The following WNK2 variants were observed in gnomAD, a reference collection of about 807,000 sequenced individuals.
The protein encoded by WNK2 is WNK lysine deficient protein kinase 2.
WNK2 carries 67 observed loss-of-function variants against 192.1 expected under a neutral mutation model. The observed-to-expected ratio is 0.35, with a 90% confidence interval of 0.29 to 0.43. The LOEUF (loss-of-function observed/expected upper bound fraction) is 0.43, where lower values mean the gene tolerates loss of function less well. Among genes scored for constraint, WNK2 ranks in the 20% least tolerant of loss-of-function variants. The probability of loss-of-function intolerance (pLI) is 1.00; values close to 1 mark genes in which losing one functional copy is unlikely to be tolerated. For missense variants in WNK2, 2,698 were observed against 3,089.7 expected, an observed-to-expected ratio of 0.87 and a Z score of 3.01; for synonymous variants, 1,439 against 1,393.9, an observed-to-expected ratio of 1.03 and a Z score of -0.72.
chr9:93,263,932 G>A lies in WNK2; in HGVS notation c.3595G>A (p.Asp1199Asn), dbSNP rs760068117. The A allele has an allele frequency of 6.2e-7, 1 of 1,613,066 alleles. No homozygotes were observed. The highest frequency in any genetic ancestry group is 1.1e-5 in the South Asian group (1 of 91,034). Residue 1199 changes from aspartate to asparagine, a missense_variant, in exon 16 of 30, where the codon GAC becomes AAC. Transcript: ENST00000427277. ...LTILNVCNTGDKMVECQLETH... is the reference protein window; with the variant it reads ...LTILNVCNTGNKMVECQLETH... The stretch of plus-strand genomic sequence containing the variant: ...CCCCTTCCAGGTGTGCAACACTGGG[G>A]ACAAGATGGTGGAGTGCCAGCTGGA...
intron 7 of WNK2, among the ~76,000 whole-genome samples, chr9:93,246,049 C>A (rs539664649): frequency 6.6e-6 from 1 of 152,180 alleles, no homozygotes; most frequent in Non-Finnish European, 1.5e-5. Flanking sequence ...ACCTACCTGC[C>A]GCCCCCCACC....
chr9:93,214,961 C>A (rs1415216333), intron 2 of WNK2, among the ~76,000 whole-genome samples: 1 of 151,748 alleles, frequency 6.6e-6, no homozygotes, highest in African/African-American at 2.4e-5. Context: ...TAGCTCACTA[C>A]AGCCTAGGAC....
At chr9:93,227,862 T>G (rs371505800) in intron 2 of WNK2, among the ~76,000 whole-genome samples, 1 of 152,218 alleles carries the variant, frequency 6.6e-6, no homozygotes, top group East Asian at 1.9e-4. Flanking sequence ...AAACATTAAC[T>G]TTTTTGTACT....
At chr9:93,288,171 T>G (rs1165387056) in intron 19 of WNK2, among the ~76,000 whole-genome samples, 7 of 152,174 alleles carry the variant, frequency 4.6e-5, no homozygotes, top group African/African-American at 1.7e-4. Context: ...GGAGGCTCCA[T>G]GAGCTCCTGC....
chr9:93,201,033 A>ATT (rs1485669002), intron 2 of WNK2, among the ~76,000 whole-genome samples: 1 of 152,168 alleles, frequency 6.6e-6, no homozygotes, highest in Non-Finnish European at 1.5e-5. Flanking sequence ...ACTGGGATGG[A>ATT]TTTTTAGGGA....
At chr9:93,315,465 G>A (rs1854466988) in intron 28 of WNK2, 1 of 152,186 alleles carries the variant, frequency 6.6e-6, no homozygotes. Flanking sequence ...CTTAAAACAA[G>A]TCAACCATTT....
intron 12 of WNK2, 42 bp from the exon 13 acceptor site, chr9:93,261,772 C>T (rs769521152): frequency 3.9e-5 from 61 of 1,549,606 alleles, no homozygotes; most frequent in Non-Finnish European, 5.3e-5. Context: ...TCAGTGAAGG[C>T]AGCGCCGGCC....
chr9:93,262,241 C>A, intron 13 of WNK2, 134 bp downstream of exon 13: 1 of 1,083,478 alleles, frequency 9.2e-7, no homozygotes, highest in Non-Finnish European at 1.3e-6. Flanking sequence ...GTTCTGTTCT[C>A]ACCTCTCCCT....
At chr9:93,317,693 C>G in intron 29 of WNK2, 62 bp downstream of exon 29, 1 of 1,565,994 alleles carries the variant, frequency 6.4e-7, no homozygotes, top group Non-Finnish European at 8.7e-7. Flanking sequence ...AGTACAGAGG[C>G]CTGCTCCCAG....
intron 28 of WNK2, chr9:93,309,105 G>C (rs915767694): frequency 2.0e-6 from 2 of 986,284 alleles, no homozygotes; most frequent in African/African-American, 3.5e-5. Flanking sequence ...AGTTGGAGAA[G>C]CATCTGCTGT....
rs1843407626 is a variant in WNK2, at chr9:93,256,962, C to T, written c.2205C>T (p.Ala735=). ...APPGQQPPPL[A]QPTPLPQVLA... is the part of the protein sequence containing the mutation. ...TCTCCCTCTAGCCTCCTCCGCTGGC[C>T]CAGCCGACACCCCTGCCGCAGGTCC... Residue 735 remains alanine (A), a synonymous_variant, in exon 11 of 30, where the codon GCC becomes GCT. Coordinates refer to ENST00000427277, the MANE Select transcript of WNK2 (RefSeq NM_006648.4). The T allele has an allele frequency of 4.4e-6, 7 of 1,575,042 alleles. No individual in the cohort carries two copies. In the Admixed American group the frequency reaches 7.1e-5, roughly 16 times the overall value.
chr9:93,192,883 C>G (rs1830587712), intron 2 of WNK2, among the ~76,000 whole-genome samples: 1 of 152,204 alleles, frequency 6.6e-6, no homozygotes, highest in African/African-American at 2.4e-5. Context: ...TCCAGGACAG[C>G]TGGGAGCTGC....
intron 4 of WNK2, among the ~76,000 whole-genome samples, chr9:93,234,194 A>G (rs569089832): frequency 1.1e-3 from 174 of 152,326 alleles, no homozygotes; most frequent in Non-Finnish European, 2.0e-3. Flanking sequence ...TAGGAGCCAC[A>G]TACAGTTCCC....
rs941462743 is a variant in WNK2 at position 93,257,223 on chromosome 9, G to A, written c.2382+84G>A. The A allele has an allele frequency of 7.0e-7, 1 of 1,438,796 alleles. No individual in the cohort carries two copies. Among genetic ancestry groups the A allele is most frequent in the Admixed American group, 2.4e-5 (1 of 42,336 alleles). 89.1% of individuals were successfully genotyped at this position (1,438,796 alleles called of 1,614,324 possible). A position where few individuals can be genotyped will look rare whatever the true frequency, so the allele number is the denominator to read the frequency against. On this transcript the variant is annotated intron_variant, in intron 11 of 29. Transcript: ENST00000427277. The surrounding 1 kb of genome is among the most constrained non-coding windows in gnomAD (Gnocchi z 4.7). Reference sequence around the variant, plus strand: ...GGTGCACTAGGACACCCACAGAGGGGGTTGTCTGTGCATGTGACCTGTGAC... The same window carrying A: ...GGTGCACTAGGACACCCACAGAGGGAGTTGTCTGTGCATGTGACCTGTGAC...
intron 23 of WNK2, among the ~76,000 whole-genome samples, chr9:93,295,697 C>G (rs1351590846): frequency 2.0e-5 from 3 of 151,750 alleles, no homozygotes; most frequent in Non-Finnish European, 4.4e-5. Flanking sequence ...ATCCTCTCCT[C>G]TCCATCCTCC....
At chr9:93,314,805 ACT>A (rs1410139877) in intron 28 of WNK2, among the ~76,000 whole-genome samples, 2 of 151,630 alleles carry the variant, frequency 1.3e-5, no homozygotes, top group Non-Finnish European at 2.9e-5. Context: ...TCCCATGGAA[ACT>A]CTTGCAAAAT....
chr9:93,311,740 C>T (rs1420557931), intron 28 of WNK2, among the ~76,000 whole-genome samples: 1 of 152,092 alleles, frequency 6.6e-6, no homozygotes, highest in Non-Finnish European at 1.5e-5. Context: ...ATTCTCCTGC[C>T]TCCCGAGTAG....
Position 93,291,109 on chromosome 9 carries a change from T to C in WNK2, c.4936+1062T>C, listed in dbSNP as rs1052298346. On this transcript the variant is annotated intron_variant, in intron 21 of 29. Transcript: ENST00000427277. ...GTCAGAAGCTGTGCACGCAGAGAAC[T>C]GGTGATGTTTAGCCTGAGGAAGATA... Among the ~76,000 whole-genome samples, 3 of 152,130 alleles carry C rather than the reference T, an allele frequency of 2.0e-5. No individual in the cohort carries two copies. In the South Asian group the frequency reaches 6.2e-4, roughly 32 times the overall value.
chr9:93,234,439 C>A (rs991440573), intron 4 of WNK2, among the ~76,000 whole-genome samples: 2 of 152,146 alleles, frequency 1.3e-5, no homozygotes, highest in East Asian at 3.9e-4. Flanking sequence ...TGGCTGCGGC[C>A]GAGCCTGTGG....
Sources: allele counts gnomAD v4.1 joint callset (sites outside exome capture counted in the v4.1 genomes callset), GRCh38; gene constraint gnomAD v4.1.1; non-coding constraint Gnocchi (gnomAD v3.1); transcripts MANE v1.5; gene names NCBI Gene and HGNC (gene_info 2026-07-23, HGNC 2026-07-21).